The following ABCC4 variants were observed in gnomAD, a reference collection of about 807,000 sequenced individuals.
ABCC4 encodes ATP binding cassette subfamily C member 4 (PEL blood group), also known as ATP-binding cassette sub-family C member 4.
Under a neutral mutation model 168.5 loss-of-function variants are expected in ABCC4, and 102 were observed. The observed-to-expected ratio is 0.61, with a 90% CI of 0.52 to 0.71. ABCC4 has a LOEUF of 0.71. Among genes scored for constraint, ABCC4 ranks in the 30% least tolerant of loss-of-function variants. The pLI, the probability that ABCC4 is intolerant of heterozygous loss-of-function variation, is 0.00. For missense variants in ABCC4, 1,402 were observed against 1,605.8 expected (o/e 0.87, Z 2.17); for synonymous variants, 617 against 590.7 (o/e 1.04, Z -0.65).
chr13:95,052,982 T>C, intron 27 of ABCC4, 113 bp downstream of exon 27: 1 of 859,024 alleles, frequency 1.2e-6, no homozygotes, highest in South Asian at 1.5e-5. Flanking sequence ...TCCTGGGTGG[T>C]GAACAAAGTT....
At chr13:95,026,723 T>C (rs1481028603) in intron 30 of ABCC4, among the ~76,000 whole-genome samples, 3 of 151,902 alleles carry the variant, frequency 2.0e-5, no homozygotes, top group Non-Finnish European at 4.4e-5. Flanking sequence ...ACCTTGTCTC[T>C]ATGGGGGGAA....
intron 26 of ABCC4, among the ~76,000 whole-genome samples, chr13:95,060,025 A>G (rs1163081051): frequency 6.6e-6 from 1 of 152,204 alleles, no homozygotes; most frequent in African/African-American, 2.4e-5. Flanking sequence ...CGCTTAGAAG[A>G]TGCTCTGAAA....
chr13:95,067,808 GA>G (rs372528164), intron 25 of ABCC4, among the ~76,000 whole-genome samples: 7 of 150,214 alleles, frequency 4.7e-5, no homozygotes, highest in Non-Finnish European at 8.9e-5. Flanking sequence ...TTTGAGCAAG[GA>G]AAAAAAAATA....
rs900082063 is a variant in ABCC4, at chr13:95,294,457, C to T, written c.74+6784G>A. ...TGGTGAACAACACCATACATTTACT[C>T]CTAGCTGGACTTTCACCATCTTGCG... On this transcript the variant is annotated intron_variant, in intron 1 of 30. Transcript: ENST00000645237. Among the ~76,000 whole-genome samples, 4 of 152,296 alleles carry T rather than the reference C, an allele frequency of 2.6e-5. No individual in the cohort carries two copies. In the South Asian group the frequency reaches 8.3e-4, roughly 32 times the overall value.
chr13:95,261,758 A>G (rs2040536748), intron 1 of ABCC4, among the ~76,000 whole-genome samples: 1 of 152,194 alleles, frequency 6.6e-6, no homozygotes, highest in Non-Finnish European at 1.5e-5. Flanking sequence ...ACAGTCAAAA[A>G]TCTACTGCAT....
chr13:95,222,234 T>C (rs2039329002), intron 4 of ABCC4, among the ~76,000 whole-genome samples: 3 of 152,198 alleles, frequency 2.0e-5, no homozygotes, highest in African/African-American at 7.2e-5. Context: ...GCTATTCAAC[T>C]AGCAGAGAGA....
chr13:95,033,953 G>T (rs12877683), intron 30 of ABCC4, among the ~76,000 whole-genome samples: 14,104 of 152,170 alleles, frequency 0.093, 754 homozygotes, highest in East Asian at 0.27. Flanking sequence ...GAACCACCAC[G>T]CCCAGCCTGA....
At chr13:95,143,084 T>C (rs964236163) in intron 19 of ABCC4, among the ~76,000 whole-genome samples, 2 of 152,094 alleles carry the variant, frequency 1.3e-5, no homozygotes, top group East Asian at 3.9e-4. Context: ...CCTGGATTGG[T>C]ACATGTGTGA....
chr13:95,068,415 C>T (rs573389792), intron 25 of ABCC4, among the ~76,000 whole-genome samples: 43 of 152,150 alleles, frequency 2.8e-4, no homozygotes, highest in Admixed American at 8.5e-4. Flanking sequence ...TGCTTGAGGT[C>T]GGGGTTCAAG....
intron 26 of ABCC4, 131 bp from the exon 27 acceptor site, chr13:95,053,315 C>T: frequency 4.0e-6 from 3 of 745,854 alleles, no homozygotes. Flanking sequence ...TTACAAATGC[C>T]TGTTTACAAA....
intron 1 of ABCC4, among the ~76,000 whole-genome samples, chr13:95,280,963 G>C (rs997695083): frequency 1.3e-5 from 2 of 151,950 alleles, no homozygotes; most frequent in Non-Finnish European, 2.9e-5. Flanking sequence ...ATTTTAAAGG[G>C]GGAGAAGGAA....
Position 95,235,444 on chromosome 13 carries a change from G to GA in ABCC4, c.307-611dup, listed in dbSNP as rs1426133905. On this transcript the variant is annotated intron_variant, in intron 3 of 30. Transcript: ENST00000645237. ...TAAGTCTTGGCCTAAGGTGAATAAG[G>GA]AAAAAAATGGCCCAAGAGGAGTAAG... Among the ~76,000 whole-genome samples the GA allele has an allele frequency of 5.3e-5, 8 of 152,058 alleles. No individual in the cohort carries two copies. In the East Asian group the frequency reaches 1.2e-3, roughly 22 times the overall value.
chr13:95,099,071 C>T (rs1177247275), intron 20 of ABCC4, among the ~76,000 whole-genome samples: 2 of 152,184 alleles, frequency 1.3e-5, no homozygotes, highest in African/African-American at 4.8e-5. Context: ...CCCATAAACA[C>T]TTCTATAAGA....
intron 19 of ABCC4, among the ~76,000 whole-genome samples, chr13:95,125,895 C>T (rs1475185897): frequency 6.6e-6 from 1 of 152,154 alleles, no homozygotes; most frequent in African/African-American, 2.4e-5. Context: ...CCTGGCCCAG[C>T]CTCACGTAGC....
chr13:95,289,562 G>A (rs920088614), intron 1 of ABCC4, among the ~76,000 whole-genome samples: 4 of 152,132 alleles, frequency 2.6e-5, no homozygotes, highest in African/African-American at 9.7e-5. Context: ...CCCTGGCACG[G>A]AGCAATCCCC....
intron 1 of ABCC4, among the ~76,000 whole-genome samples, chr13:95,279,705 T>C (rs2041063496): frequency 6.6e-6 from 1 of 152,266 alleles, no homozygotes; most frequent in Non-Finnish European, 1.5e-5. Flanking sequence ...TTGTGGATTT[T>C]TGTGGAAACC....
intron 19 of ABCC4, 35 bp from the exon 20 acceptor site, chr13:95,116,036 C>T: frequency 6.8e-7 from 1 of 1,465,622 alleles, no homozygotes; most frequent in Non-Finnish European, 9.5e-7. Flanking sequence ...TACTCATTTC[C>T]CCAGATAGAC....
At chr13:95,055,490 T>C (rs145717961) in intron 26 of ABCC4, 12 of 152,296 alleles carry the variant, frequency 7.9e-5, no homozygotes, top group Admixed American at 5.2e-4. Flanking sequence ...ATCAAACCTG[T>C]TTTTCATTAG....
intron 19 of ABCC4, among the ~76,000 whole-genome samples, chr13:95,139,607 C>T (rs2619313): frequency 0.038 from 5,763 of 152,264 alleles, 286 homozygotes; most frequent in East Asian, 0.22. Flanking sequence ...TGGCCTCTAC[C>T]TCCAGGAAGG....
Sources: gnomAD v4.1 joint callset for allele counts (sites outside exome capture counted in the v4.1 genomes callset) on GRCh38, gnomAD v4.1.1 for gene constraint, MANE v1.5 for transcripts, NCBI Gene and HGNC (gene_info 2026-07-23, HGNC 2026-07-21) for gene names.